ATL2: variants seen among roughly 807,000 people sequenced by gnomAD.
ATL2 encodes the protein atlastin GTPase 2.
Under a neutral mutation model 73.9 loss-of-function variants are expected in ATL2, and 31 were observed. The observed-to-expected ratio is 0.42, with a 90% CI of 0.32 to 0.57. The LOEUF is 0.57. ATL2 is among the 20% of genes least tolerant of loss of function. The pLI, the probability that ATL2 is intolerant of heterozygous loss-of-function variation, is 0.14. For synonymous variants in ATL2, 291 were observed against 237.5 expected (o/e 1.23, Z -2.07); for missense variants, 738 against 702.6 (o/e 1.05, Z -0.57).
At chr2:38,307,961 T>C (rs186447856) in intron 9 of ATL2, among the ~76,000 whole-genome samples, 466 of 152,262 alleles carry the variant, frequency 3.1e-3, no homozygotes, top group Admixed American at 9.2e-3. Context: ...ATAACAAATG[T>C]TGGCAAGGAT....
At chr2:38,348,185 G>C (rs1318070923) in intron 1 of ATL2, among the ~76,000 whole-genome samples, 1 of 152,078 alleles carries the variant, frequency 6.6e-6, no homozygotes, top group Non-Finnish European at 1.5e-5. Flanking sequence ...TATGAAGCTT[G>C]GCTAGGCGCG....
intron 7 of ATL2, among the ~76,000 whole-genome samples, chr2:38,311,472 C>T (rs934569088): frequency 6.6e-6 from 1 of 152,114 alleles, no homozygotes; most frequent in Admixed American, 6.5e-5. Flanking sequence ...CTCCCATCAA[C>T]AGCAGAATGG....
intron 1 of ATL2, among the ~76,000 whole-genome samples, chr2:38,345,174 G>C (rs1669949834): frequency 6.6e-6 from 1 of 152,072 alleles, no homozygotes; most frequent in Non-Finnish European, 1.5e-5. Context: ...CCCTCCTTGA[G>C]CCTGTCTACT....
chr2:38,303,261 A>G (rs970815476), intron 9 of ATL2, among the ~76,000 whole-genome samples: 2 of 152,044 alleles, frequency 1.3e-5, no homozygotes, highest in African/African-American at 4.8e-5. Context: ...ACTGGAGTGC[A>G]ATGGTGCAAT....
At position 38,310,406 on chromosome 2, in the gene ATL2, C is replaced by G; in HGVS notation, c.846G>C (p.Lys282Asn). The G allele has an allele frequency of 6.2e-7, 1 of 1,611,888 alleles. No individual in the cohort carries two copies. Among genetic ancestry groups the G allele is most frequent in the South Asian group, 1.1e-5 (1 of 90,636 alleles). The part of the protein sequence containing the change: ...NQHEELQNVR[K>N]HIHNCFSNLG... ...GATTTGAGAAACAATTGTGTATGTG[C>G]TTCCTTACATTCTGAAGCTCTTCAT... The change falls in exon 8 of 13, where the codon AAG becomes AAC. Residue 282 changes from lysine to asparagine, a missense_variant. Physicochemically the swap from Lys to Asn is moderately conservative, Grantham distance 94. Transcript: ENST00000378954.
intron 1 of ATL2, among the ~76,000 whole-genome samples, chr2:38,355,325 T>C (rs1176626359): frequency 1.3e-5 from 2 of 152,076 alleles, no homozygotes; most frequent in Non-Finnish European, 2.9e-5. Flanking sequence ...CAGGGTTTCA[T>C]CACATTGGTC....
chr2:38,315,181 G>T, intron 5 of ATL2, 103 bp downstream of exon 5: 1 of 1,163,042 alleles, frequency 8.6e-7, no homozygotes. Flanking sequence ...AACTTGGGAG[G>T]GGGAGGTTGC....
At position 38,296,105 on chromosome 2, in the gene ATL2, C is replaced by T; in HGVS notation, c.1641G>A (p.Lys547=). ...IAETLWEQVL[K]PLGDNLMEEN... ...CCTCCATCAAATTATCACCCAGGGG[C>T]TTCAATACCTGTGGTATGAGAAATG... Residue 547 remains lysine (K), a synonymous_variant, in exon 13 of 13, where the codon AAG becomes AAA. Transcript: ENST00000378954. The T allele has an allele frequency of 1.3e-6, 2 of 1,550,294 alleles. No homozygotes were observed. Among genetic ancestry groups the T allele is most frequent in the African/African-American group, 2.7e-5 (2 of 73,076 alleles).
intron 2 of ATL2, among the ~76,000 whole-genome samples, chr2:38,342,991 T>G (rs1048468165): frequency 1.3e-5 from 2 of 148,238 alleles, no homozygotes; most frequent in African/African-American, 5.0e-5. Context: ...AAAAAAAAAG[T>G]TTTTTTAAGA....
In ATL2 at chr2:38,318,639, C is replaced by G. The variant is rs1234996267; in HGVS notation, c.499G>C (p.Val167Leu). 5.0e-6 allele frequency: 8 copies of G among 1,586,158 alleles called. No homozygotes were observed. The highest frequency in any genetic ancestry group is 6.8e-6 in the Non-Finnish European group (8 of 1,171,180). The change falls in exon 4 of 13, where the codon GTT becomes CTT. Residue 167 changes from valine (V) to leucine (L), a missense_variant and splice_region_variant. Val to Leu is a conservative substitution (Grantham distance 32). Coordinates refer to ENST00000378954, the MANE Select transcript of ATL2 (RefSeq NM_001135673.4). ...FVIDRPNGTK[V>L]AVLLMDTQGA... is the part of the protein sequence containing the mutation. ...TGGGTATCCATAAGCAGCACAGCAA[C>G]CTAGGAATTTGAGAGTTTAAAATAT... is the stretch of plus-strand genomic sequence containing the variant.
rs1413374265 is a variant in ATL2 at position 38,309,493 on chromosome 2, G to C, written c.957C>G (p.Asp319Glu). 3.1e-6 allele frequency: 5 copies of C among 1,610,554 alleles called. No individual in the cohort carries two copies. Among genetic ancestry groups the C allele is most frequent in the African/African-American group, 2.7e-5 (2 of 74,708 alleles). The change falls in exon 9 of 13, where the codon GAC becomes GAG. Residue 319 changes from aspartate (D) to glutamate (E), a missense_variant. Transcript: ENST00000378954. The part of the protein sequence containing the change: ...FDGRLKDIDE[D>E]FKRELRNLVP... ...CCAGATTTCGAAGCTCTCGTTTAAA[G>C]TCTTCATCAATATCTAGAAAACAAA... is the stretch of plus-strand genomic sequence containing the variant.
intron 7 of ATL2, 122 bp from the exon 8 acceptor site, chr2:38,310,569 CTTTT>C: frequency 1.6e-6 from 1 of 616,338 alleles, no homozygotes; most frequent in Non-Finnish European, 2.4e-6. Flanking sequence ...CCTAAGGAGT[CTTTT>C]TTGACAATAC....
intron 2 of ATL2, among the ~76,000 whole-genome samples, chr2:38,339,165 G>C (rs1375494560): frequency 1.3e-5 from 2 of 152,092 alleles, no homozygotes. Context: ...GCAGTGAGCC[G>C]AGACTGCGCT....
chr2:38,309,545 A>C (rs764060916), intron 8 of ATL2, 39 bp from the exon 9 acceptor site: 9 of 1,586,634 alleles, frequency 5.7e-6, no homozygotes, highest in Non-Finnish European at 7.7e-6. Flanking sequence ...TAGTCCAAAA[A>C]AAATTAGGTC....
intron 1 of ATL2, among the ~76,000 whole-genome samples, chr2:38,369,976 C>A (rs1407435319): frequency 6.7e-6 from 1 of 148,438 alleles, no homozygotes; most frequent in Non-Finnish European, 1.5e-5. Context: ...ACGGTGAAAC[C>A]CCGTCTCTAC....
Position 38,298,456 on chromosome 2 carries a change from G to A in ATL2, c.1320C>T (p.Phe440=), listed in dbSNP as rs369505051. The A allele has an allele frequency of 1.3e-5, 21 of 1,614,048 alleles. No homozygotes were observed. In the African/African-American group the frequency reaches 1.6e-4, roughly 12 times the overall value. The change falls in exon 12 of 13, where the codon TTC becomes TTT. Residue 440 remains phenylalanine (F), a synonymous_variant. Transcript: ENST00000378954. ...RSVKKMGGDE[F]CRRYQDQLEA... ...CAAGCTGGTCCTGATAACGACGGCA[G>A]AACTCATCTCCACCCATCTTTTTTA...
At chr2:38,370,920 T>G (rs1264744114) in intron 1 of ATL2, among the ~76,000 whole-genome samples, 1 of 147,908 alleles carries the variant, frequency 6.8e-6, no homozygotes, top group South Asian at 2.1e-4. Flanking sequence ...ATTGAGCCAC[T>G]GCACTCCAGC....
At chr2:38,342,112 A>AT (rs1204409719) in intron 2 of ATL2, among the ~76,000 whole-genome samples, 3 of 151,676 alleles carry the variant, frequency 2.0e-5, no homozygotes, top group Non-Finnish European at 4.4e-5. Flanking sequence ...GAGTGAAAAA[A>AT]TTTTTTTTGC....
At chr2:38,351,199 G>C (rs1428707364) in intron 1 of ATL2, among the ~76,000 whole-genome samples, 1 of 152,116 alleles carries the variant, frequency 6.6e-6, no homozygotes, top group African/African-American at 2.4e-5. Flanking sequence ...TTAGTGCCTA[G>C]TACTTGAACC....
Sources: allele counts gnomAD v4.1 joint callset (sites outside exome capture counted in the v4.1 genomes callset), GRCh38; gene constraint gnomAD v4.1.1; transcripts MANE v1.5; gene names NCBI Gene and HGNC (gene_info 2026-07-23, HGNC 2026-07-21).